Variants in FRMD5 observed in about 807,000 individuals in gnomAD.
FRMD5 encodes FERM domain containing 5.
A neutral mutation model predicts 69.0 loss-of-function variants in FRMD5; 20 were observed. That is an observed-to-expected ratio of 0.29 (90% CI 0.20 to 0.42). The LOEUF is 0.42. Among genes scored for constraint, FRMD5 ranks in the 10% least tolerant of loss-of-function variants. The probability of loss-of-function intolerance (pLI) is 1.00; values close to 1 mark genes in which losing one functional copy is unlikely to be tolerated. For synonymous variants in FRMD5, 271 were observed against 260.1 expected (o/e 1.04, Z -0.40); for missense variants, 595 against 708.6 (o/e 0.84, Z 1.82).
At chr15:44,113,522 C>A (rs1003180427) in intron 1 of FRMD5, among the ~76,000 whole-genome samples, 4 of 152,078 alleles carry the variant, frequency 2.6e-5, no homozygotes. Flanking sequence ...GGGGTATTCA[C>A]CCTCTCTGGC....
At chr15:44,037,733 T>TA (rs1275418718) in intron 1 of FRMD5, among the ~76,000 whole-genome samples, 1 of 151,786 alleles carries the variant, frequency 6.6e-6, no homozygotes, top group Non-Finnish European at 1.5e-5. Flanking sequence ...CTCGGCCTCC[T>TA]AAAGTGTTGG....
At chr15:44,131,393 CT>C (rs1266771132) in intron 1 of FRMD5, among the ~76,000 whole-genome samples, 1 of 29,698 alleles carries the variant, frequency 3.4e-5, no homozygotes, top group Non-Finnish European at 1.3e-4. Context: ...ACGGCAATTC[CT>C]AAAAAAAAAA....
At chr15:44,089,983 C>T (rs1288239858) in intron 1 of FRMD5, among the ~76,000 whole-genome samples, 1 of 152,156 alleles carries the variant, frequency 6.6e-6, no homozygotes, top group Non-Finnish European at 1.5e-5. Flanking sequence ...GCCTCCATCA[C>T]AGTATCTCTC....
intron 1 of FRMD5, chr15:43,989,071 CT>C: frequency 1.1e-6 from 1 of 905,940 alleles, no homozygotes; most frequent in South Asian, 1.3e-5. Context: ...CTAGAAGCAT[CT>C]GCGGTGGATG....
chr15:43,952,269 A>G (rs2090048048), intron 1 of FRMD5, among the ~76,000 whole-genome samples: 1 of 152,182 alleles, frequency 6.6e-6, no homozygotes, highest in African/African-American at 2.4e-5. Context: ...AGGGAGCTGG[A>G]GCAACACCAG....
chr15:44,003,244 A>G (rs1239651649), intron 1 of FRMD5, among the ~76,000 whole-genome samples: 2 of 152,056 alleles, frequency 1.3e-5, no homozygotes, highest in Non-Finnish European at 2.9e-5. Context: ...ACCACTATCA[A>G]TCACCCTGGT....
chr15:44,081,844 T>G (rs1488982107), intron 1 of FRMD5, among the ~76,000 whole-genome samples: 1 of 151,886 alleles, frequency 6.6e-6, no homozygotes, highest in East Asian at 1.9e-4. Flanking sequence ...ATAGTGAAAA[T>G]TAACAGGTCA....
intron 1 of FRMD5, among the ~76,000 whole-genome samples, chr15:44,014,609 C>T (rs1890872350): frequency 2.6e-5 from 4 of 152,136 alleles, no homozygotes; most frequent in South Asian, 2.1e-4. Flanking sequence ...TGGTGGCAGG[C>T]GCCTGTAATC....
At chr15:43,924,931 C>T (rs2089556753) in intron 1 of FRMD5, among the ~76,000 whole-genome samples, 1 of 152,036 alleles carries the variant, frequency 6.6e-6, no homozygotes, top group African/African-American at 2.4e-5. Context: ...CAGTAAGTCT[C>T]CCTTCCACCC....
chr15:43,946,942 G>C (rs1219946345), intron 1 of FRMD5, among the ~76,000 whole-genome samples: 1 of 152,160 alleles, frequency 6.6e-6, no homozygotes, highest in Non-Finnish European at 1.5e-5. Context: ...TAGAACACCA[G>C]GTAACACCAT....
intron 7 of FRMD5, 112 bp from the exon 8 acceptor site, chr15:43,892,181 G>A: frequency 1.1e-6 from 1 of 886,808 alleles, no homozygotes; most frequent in East Asian, 2.6e-5. Context: ...AGGTCACAGA[G>A]GGAAAAGCAT....
chr15:43,938,124 G>A (rs1489461133), intron 1 of FRMD5, among the ~76,000 whole-genome samples: 6 of 151,878 alleles, frequency 4.0e-5, no homozygotes, highest in Non-Finnish European at 7.4e-5. Context: ...CCAGCTACTC[G>A]GGAGGCTGAG....
At chr15:44,064,917 T>C (rs746861243) in intron 1 of FRMD5, among the ~76,000 whole-genome samples, 2 of 152,196 alleles carry the variant, frequency 1.3e-5, no homozygotes, top group Non-Finnish European at 2.9e-5. Flanking sequence ...CATGGGTATA[T>C]TACACAATAA....
intron 2 of FRMD5, among the ~76,000 whole-genome samples, chr15:43,922,391 G>A (rs896909814): frequency 6.6e-6 from 1 of 152,212 alleles, no homozygotes; most frequent in Non-Finnish European, 1.5e-5. Flanking sequence ...ACGACTCAGT[G>A]AGCAGTATAC....
chr15:43,881,891 C>G (rs1230386393), intron 13 of FRMD5, among the ~76,000 whole-genome samples: 1 of 152,178 alleles, frequency 6.6e-6, no homozygotes, highest in Non-Finnish European at 1.5e-5. Flanking sequence ...AGGGAAACAG[C>G]AGAGTGATAG....
Position 43,878,217 on chromosome 15 carries a change from G to A in FRMD5, c.1136-3755C>T, listed in dbSNP as rs530864055. On this transcript the variant is annotated intron_variant, in intron 13 of 13. Coordinates refer to ENST00000417257, the MANE Select transcript of FRMD5 (RefSeq NM_032892.5). ...AGGTTTTTGTGCTGGGATTACAGATGTGAGCCACCACGCCCAGCCCCATTT... is the reference window on the plus strand; with the variant it reads ...AGGTTTTTGTGCTGGGATTACAGATATGAGCCACCACGCCCAGCCCCATTT... 6.3e-4 allele frequency among the ~76,000 whole-genome samples: 96 copies of A among 152,124 alleles called. No homozygotes were observed. In the South Asian group the frequency reaches 0.017, roughly 27 times the overall value.
At chr15:43,885,836 C>T (rs957126240) in intron 10 of FRMD5, 81 bp from the exon 11 acceptor site, 2 of 1,080,106 alleles carry the variant, frequency 1.9e-6, no homozygotes, top group Non-Finnish European at 2.9e-6. Context: ...CAGCTTCTTC[C>T]AAAGGCTACT....
chr15:44,124,101 G>C (rs764004953), intron 1 of FRMD5, among the ~76,000 whole-genome samples: 1 of 151,800 alleles, frequency 6.6e-6, no homozygotes, highest in Non-Finnish European at 1.5e-5. Context: ...CTAGCAATTC[G>C]CCTGCCTCAG....
chr15:43,896,897 G>C (rs1470573128), intron 7 of FRMD5, among the ~76,000 whole-genome samples: 1 of 152,176 alleles, frequency 6.6e-6, no homozygotes, highest in Non-Finnish European at 1.5e-5. Context: ...CTCACAGTTG[G>C]GAAGCTGAAG....
Sources: gnomAD v4.1 joint callset for allele counts (sites outside exome capture counted in the v4.1 genomes callset) on GRCh38, gnomAD v4.1.1 for gene constraint, MANE v1.5 for transcripts, NCBI Gene and HGNC (gene_info 2026-07-23, HGNC 2026-07-21) for gene names.